APCDD1L: variants seen among roughly 807,000 people sequenced by gnomAD.
APCDD1L encodes the protein APC down-regulated 1 like, also known as protein APCDD1-like.
Under a neutral mutation model 24.2 loss-of-function variants are expected in APCDD1L, and 21 were observed. The observed-to-expected ratio is 0.87, with a 90% CI of 0.61 to 1.25. The LOEUF (loss-of-function observed/expected upper bound fraction) is 1.25, where lower values mean the gene tolerates loss of function less well. Ranked by LOEUF, APCDD1L falls within the 50% of genes most tolerant of loss-of-function variation. The probability of loss-of-function intolerance (pLI) is 0.00; values close to 1 mark genes in which losing one functional copy is unlikely to be tolerated. For synonymous variants in APCDD1L, 321 were observed against 323.6 expected, an observed-to-expected ratio of 0.99 and a Z score of 0.09; for missense variants, 704 against 711.7, an observed-to-expected ratio of 0.99 and a Z score of 0.12.
At chr20:58,484,073 A>T (rs1164590919) in intron 1 of APCDD1L, among the ~76,000 whole-genome samples, 1 of 152,200 alleles carries the variant, frequency 6.6e-6, no homozygotes, top group African/African-American at 2.4e-5. Flanking sequence ...ACATTTTAGC[A>T]TCTGTGTGTC....
intron 1 of APCDD1L, among the ~76,000 whole-genome samples, chr20:58,496,543 G>A (rs1005516122): frequency 3.3e-5 from 5 of 152,264 alleles, no homozygotes; most frequent in African/African-American, 9.6e-5. Context: ...AAGCGACAGG[G>A]GAGAGAAAGG....
chr20:58,496,595 G>A (rs1990327971), intron 1 of APCDD1L, among the ~76,000 whole-genome samples: 1 of 152,268 alleles, frequency 6.6e-6, no homozygotes, highest in African/African-American at 2.4e-5. Flanking sequence ...CAAGGGTCCT[G>A]AGGTGAGTGG....
rs147731470 is a variant in APCDD1L, at chr20:58,461,380, C to T, written c.916G>A (p.Gly306Arg). The change falls in exon 4 of 4, where the codon GGG becomes AGG. Residue 306 changes from glycine to arginine, a missense_variant. Physicochemically the swap from Gly to Arg is moderately radical, Grantham distance 125. Coordinates refer to ENST00000371149, the MANE Select transcript of APCDD1L (RefSeq NM_153360.3). The surrounding 1 kb of genome is among the most constrained non-coding windows in gnomAD (Gnocchi z 6.0). The part of the protein sequence containing the change: ...LFLTRLFTFH[G>R]HSRSWEGYYH... ...TACCCTTCCCAGGAGCGGCTGTGCC[C>T]GTGGAAAGTGAAGAGCCGGGTGAGG... 1.5e-5 allele frequency: 24 copies of T among 1,560,722 alleles called. No homozygotes were observed. Among genetic ancestry groups the T allele is most frequent in the East Asian group, 4.5e-5 (2 of 44,164 alleles).
intron 1 of APCDD1L, chr20:58,513,777 A>G: frequency 1.4e-6 from 1 of 736,550 alleles, no homozygotes; most frequent in Non-Finnish European, 2.1e-6. Context: ...ATTTGACAGG[A>G]AAGAAAGTCA....
chr20:58,472,283 A>C (rs1288651020), intron 1 of APCDD1L, among the ~76,000 whole-genome samples: 1 of 152,160 alleles, frequency 6.6e-6, no homozygotes, highest in East Asian at 1.9e-4. Flanking sequence ...GCTCTTTTAT[A>C]CATTATTCCC....
rs144578951 is a variant in APCDD1L at position 58,510,854 on chromosome 20, G to C, written c.49+3805C>G. Among the ~76,000 whole-genome samples the C allele has an allele frequency of 3.8e-4, 58 of 152,266 alleles. 1 individual carries two copies. In the East Asian group the frequency reaches 0.011, roughly 29 times the overall value. On this transcript the variant is annotated intron_variant, in intron 1 of 3. Coordinates refer to ENST00000371149, the MANE Select transcript of APCDD1L (RefSeq NM_153360.3). ...TGTTGGTATCATTTTAATAGTCAAG[G>C]TGCTCTCATGGGGAAGAAAATACAG...
chr20:58,460,377 A>ATC lies in APCDD1L; in HGVS notation c.*411_*412dup, dbSNP rs1156274258. Reference sequence around the variant, plus strand: ...CCTCGTCCCTAGGCAGAGCCTCAGGATCTCCTCTTGCTCCCATCTTGGAAT... The same window carrying ATC: ...CCTCGTCCCTAGGCAGAGCCTCAGGATCTCTCCTCTTGCTCCCATCTTGGAAT... On this transcript the variant is annotated 3_prime_UTR_variant, in exon 4 of 4. Transcript: ENST00000371149. This position sits in a 1 kb window ranked among gnomAD's most constrained non-coding sequence, Gnocchi z 4.2. 1.8e-5 allele frequency: 3 copies of ATC among 170,034 alleles called. No individual in the cohort carries two copies. The highest frequency in any genetic ancestry group is 1.2e-4 in the Admixed American group (2 of 16,352). The allele number at this position is 170,034 out of a possible 1,614,324, so 10.5% of individuals were successfully genotyped here.
rs1460239946 is a variant in APCDD1L, at chr20:58,461,129, A to T, written c.1167T>A (p.Thr389=). 3 of 1,613,610 alleles carry T rather than the reference A, an allele frequency of 1.9e-6. No individual in the cohort carries two copies. Among genetic ancestry groups the T allele is most frequent in the Non-Finnish European group, 2.5e-6 (3 of 1,179,866 alleles). Residue 389 remains threonine (T), a synonymous_variant, in exon 4 of 4, where the codon ACT becomes ACA. Coordinates refer to ENST00000371149, the MANE Select transcript of APCDD1L (RefSeq NM_153360.3). This position sits in a 1 kb window ranked among gnomAD's most constrained non-coding sequence, Gnocchi z 6.0. Reference sequence around the variant, plus strand: ...CGTTGGTGGCTGTGACATCCCGCTCAGTGCCCATGGACCAGGCCCCCGCAC... The same window carrying T: ...CGTTGGTGGCTGTGACATCCCGCTCTGTGCCCATGGACCAGGCCCCCGCAC... ...CGGAGAWSMG[T]ERDVTATNGC...
At position 58,494,734 on chromosome 20, in the gene APCDD1L, C is replaced by G. The variant is rs907215613; in HGVS notation, c.49+19925G>C. ...AAGTCAGTCCTGTTGAAAGCCCCTT[C>G]CATTCTGAAGTGCTACGAGCCCCGT... On this transcript the variant is annotated intron_variant, in intron 1 of 3. Transcript: ENST00000371149. The surrounding 1 kb of genome is among the most constrained non-coding windows in gnomAD (Gnocchi z 4.8). 6.6e-6 allele frequency among the ~76,000 whole-genome samples: 1 copy of G among 152,174 alleles called. No individual in the cohort carries two copies. Among genetic ancestry groups the G allele is most frequent in the Non-Finnish European group, 1.5e-5 (1 of 68,022 alleles).
Position 58,461,898 on chromosome 20 carries a change from G to C in APCDD1L, c.742-344C>G, listed in dbSNP as rs1430767204. On this transcript the variant is annotated intron_variant, in intron 3 of 3. Coordinates refer to ENST00000371149, the MANE Select transcript of APCDD1L (RefSeq NM_153360.3). This position sits in a 1 kb window ranked among gnomAD's most constrained non-coding sequence, Gnocchi z 6.0. ...CCCATGTAAGGTGGGCCTCAGGGCTGTCACACCACCCTCTTTTATCTTCCT... is the reference window on the plus strand; with the variant it reads ...CCCATGTAAGGTGGGCCTCAGGGCTCTCACACCACCCTCTTTTATCTTCCT... The C allele has an allele frequency of 3.4e-5, 9 of 263,900 alleles. No homozygotes were observed. The East Asian group carries it at 5.3e-4, about 16-fold the overall frequency. 16.3% of individuals were successfully genotyped at this position (263,900 alleles called of 1,614,324 possible). A position where few individuals can be genotyped will look rare whatever the true frequency, so the allele number is the denominator to read the frequency against.
At chr20:58,505,885 G>C (rs1236079999) in intron 1 of APCDD1L, among the ~76,000 whole-genome samples, 1 of 152,162 alleles carries the variant, frequency 6.6e-6, no homozygotes, top group African/African-American at 2.4e-5. Context: ...GGGAGAAGAG[G>C]TCCACATGGC....
Position 58,508,937 on chromosome 20 carries a change from A to T in APCDD1L, c.49+5722T>A, listed in dbSNP as rs1313849043. ...GCGTGAGTGTGCATGAGTGTGCGTG[A>T]GTGTGTGTGAGTGTGCATGTGTGTC... is the stretch of plus-strand genomic sequence containing the variant. On this transcript the variant is annotated intron_variant, in intron 1 of 3. Coordinates refer to ENST00000371149, the MANE Select transcript of APCDD1L (RefSeq NM_153360.3). This position sits in a 1 kb window ranked among gnomAD's most constrained non-coding sequence, Gnocchi z 4.0. Among the ~76,000 whole-genome samples the T allele has an allele frequency of 1.3e-5, 2 of 148,252 alleles. No homozygotes were observed. Among genetic ancestry groups the T allele is most frequent in the Non-Finnish European group, 3.0e-5 (2 of 66,128 alleles).
chr20:58,466,457 T>G (rs1989706225), intron 3 of APCDD1L, among the ~76,000 whole-genome samples: 2 of 152,082 alleles, frequency 1.3e-5, no homozygotes, highest in Admixed American at 1.3e-4. Context: ...TGCGGCTAGG[T>G]CAGTGTGAGG....
In APCDD1L at chr20:58,470,703, G is replaced by T. The variant is rs147147447; in HGVS notation, c.94C>A (p.Arg32Ser). Reference protein sequence around the residue: ...AAGEAGGSCLRWEPHCQQPLP... With the variant: ...AAGEAGGSCLSWEPHCQQPLP... Reference sequence around the variant, plus strand: ...GGCTGCTGGCAGTGGGGTTCCCAGCGCAGGCAGCTGCCCCCGGCCTCCCCA... The same window carrying T: ...GGCTGCTGGCAGTGGGGTTCCCAGCTCAGGCAGCTGCCCCCGGCCTCCCCA... Residue 32 changes from arginine to serine, a missense_variant, in exon 2 of 4, where the codon CGC becomes AGC. Arg to Ser is a moderately radical substitution (Grantham distance 110). Transcript: ENST00000371149. 5.6e-5 allele frequency: 87 copies of T among 1,547,946 alleles called. 1 individual carries two copies. The South Asian group carries it at 9.7e-4, about 17-fold the overall frequency.
At position 58,514,771 on chromosome 20, in the gene APCDD1L, G is replaced by T. The variant is rs921821897; in HGVS notation, c.-64C>A. On this transcript the variant is annotated 5_prime_UTR_variant, in exon 1 of 4. Coordinates refer to ENST00000371149, the MANE Select transcript of APCDD1L (RefSeq NM_153360.3). ...ACGGTGCGCAAGGGGAGGCGCGGGCGCAGGGCTCTCGGACGGCTGCGGGCG... is the reference window on the plus strand; with the variant it reads ...ACGGTGCGCAAGGGGAGGCGCGGGCTCAGGGCTCTCGGACGGCTGCGGGCG... 9.7e-6 allele frequency: 12 copies of T among 1,232,744 alleles called. No homozygotes were observed. In the African/African-American group the frequency reaches 1.1e-4, roughly 11 times the overall value. The allele number at this position is 1,232,744 out of a possible 1,614,324, so 76.4% of individuals were successfully genotyped here.
rs992949284 is a variant in APCDD1L, at chr20:58,508,292, A to C, written c.49+6367T>G. On this transcript the variant is annotated intron_variant, in intron 1 of 3. Coordinates refer to ENST00000371149, the MANE Select transcript of APCDD1L (RefSeq NM_153360.3). This position sits in a 1 kb window ranked among gnomAD's most constrained non-coding sequence, Gnocchi z 4.0. ...TGGTGGTGCTTCCAGCCCAGCAGCC[A>C]CTATCCTCCCTAAGAAGAAAGAGAG... 1.4e-4 allele frequency among the ~76,000 whole-genome samples: 21 copies of C among 152,216 alleles called. No homozygotes were observed. Among genetic ancestry groups the C allele is most frequent in the African/African-American group, 4.8e-4 (20 of 41,448 alleles).
At chr20:58,512,624 G>A (rs1990648982) in intron 1 of APCDD1L, among the ~76,000 whole-genome samples, 1 of 152,084 alleles carries the variant, frequency 6.6e-6, no homozygotes, top group African/African-American at 2.4e-5. Context: ...TATATATATA[G>A]TTTCTGGAAC....
intron 1 of APCDD1L, among the ~76,000 whole-genome samples, chr20:58,498,532 C>A (rs1990367864): frequency 6.6e-6 from 1 of 152,222 alleles, no homozygotes; most frequent in South Asian, 2.1e-4. Flanking sequence ...AGGCCAGGGG[C>A]TGCTGGCCTC....
At chr20:58,507,731 A>G (rs2123193856) in intron 1 of APCDD1L, among the ~76,000 whole-genome samples, 1 of 152,372 alleles carries the variant, frequency 6.6e-6, no homozygotes, top group South Asian at 2.1e-4. Flanking sequence ...GCAAGCTGAA[A>G]AAAAATTGCA....
Sources: gnomAD v4.1 joint callset for allele counts (sites outside exome capture counted in the v4.1 genomes callset) on GRCh38, gnomAD v4.1.1 for gene constraint, Gnocchi (gnomAD v3.1) non-coding constraint, MANE v1.5 for transcripts, NCBI Gene and HGNC (gene_info 2026-07-23, HGNC 2026-07-21) for gene names.